The following PACS1 variants were observed in gnomAD, a reference collection of about 807,000 sequenced individuals.
The protein encoded by PACS1 is PACS-1.
A neutral mutation model predicts 115.0 loss-of-function variants in PACS1; 24 were observed. The observed-to-expected ratio is 0.21, with a 90% CI of 0.15 to 0.29. PACS1 has a LOEUF of 0.29. PACS1 is among the 10% of genes least tolerant of loss of function. PACS1 has a pLI of 1.00. For missense variants in PACS1, 838 were observed against 1,251.2 expected (o/e 0.67, Z 4.98); for synonymous variants, 453 against 504.5 (o/e 0.90, Z 1.37).
chr11:66,153,384 C>T (rs1041196745), intron 1 of PACS1, among the ~76,000 whole-genome samples: 1 of 152,152 alleles, frequency 6.6e-6, no homozygotes, highest in African/African-American at 2.4e-5. Flanking sequence ...GTGGCTCACA[C>T]CTGTAATCTC....
In PACS1 at chr11:66,243,356, G is replaced by C. The variant is rs1366695274; in HGVS notation, c.*76G>C. ...GCCTGCGGGCAGGGGGAGGCCAGCA[G>C]GCCCGGGCCCAGCACCCCTTCCCTG... On this transcript the variant is annotated 3_prime_UTR_variant, in exon 24 of 24. Coordinates refer to ENST00000320580, the MANE Select transcript of PACS1 (RefSeq NM_018026.4). 6 of 997,056 alleles carry C rather than the reference G, an allele frequency of 6.0e-6. No homozygotes were observed. Among genetic ancestry groups the C allele is most frequent in the Non-Finnish European group, 9.1e-6 (6 of 661,434 alleles). 61.8% of individuals were successfully genotyped at this position (997,056 alleles called of 1,614,324 possible). A position where few individuals can be genotyped will look rare whatever the true frequency, so the allele number is the denominator to read the frequency against.
intron 1 of PACS1, among the ~76,000 whole-genome samples, chr11:66,154,070 T>G (rs1048380809): frequency 6.6e-6 from 1 of 152,204 alleles, no homozygotes. Context: ...TAAGGATACT[T>G]TATAATGATA....
At chr11:66,208,822 A>G (rs546470478) in intron 2 of PACS1, among the ~76,000 whole-genome samples, 27 of 152,232 alleles carry the variant, frequency 1.8e-4, no homozygotes, top group Non-Finnish European at 2.8e-4. Context: ...TTGAATAGAA[A>G]TGTTTCTTTA....
intron 1 of PACS1, among the ~76,000 whole-genome samples, chr11:66,186,099 G>A (rs920019113): frequency 1.6e-4 from 25 of 151,852 alleles, no homozygotes; most frequent in African/African-American, 5.8e-4. Context: ...AGACCCCATC[G>A]CTGCAAAAAA....
chr11:66,193,663 A>C, intron 2 of PACS1, 90 bp downstream of exon 2: 1 of 826,572 alleles, frequency 1.2e-6, no homozygotes, highest in Non-Finnish European at 2.0e-6. Context: ...TACTGGGACC[A>C]CCTCTGTCTT....
chr11:66,131,354 A>G (rs1394270145), intron 1 of PACS1, among the ~76,000 whole-genome samples: 1 of 152,198 alleles, frequency 6.6e-6, no homozygotes, highest in Non-Finnish European at 1.5e-5. Flanking sequence ...ACTAATGAGC[A>G]TGGCTAGATT....
At position 66,120,926 on chromosome 11, in the gene PACS1, C is replaced by T. The variant is rs891560751; in HGVS notation, c.356+50084C>T. 38 of 436,676 alleles carry T rather than the reference C, an allele frequency of 8.7e-5. 2 individuals are homozygous for T. The highest frequency in any genetic ancestry group is 1.6e-4 in the African/African-American group (8 of 49,548). The allele number at this position is 436,676 out of a possible 1,614,324, so 27.1% of individuals were successfully genotyped here. ...AAGTCCCCCTTGCCCCAGCCCTGTG[C>T]TTCCACAGGGCCTGTGCACGCCTCT... On this transcript the variant is annotated intron_variant, in intron 1 of 23. Coordinates refer to ENST00000320580, the MANE Select transcript of PACS1 (RefSeq NM_018026.4).
intron 1 of PACS1, among the ~76,000 whole-genome samples, chr11:66,187,756 C>T (rs529325494): frequency 5.3e-5 from 8 of 152,292 alleles, no homozygotes; most frequent in African/African-American, 1.9e-4. Context: ...GTGAACGGTG[C>T]TCGGTAAACA....
chr11:66,072,097 A>T (rs945672515), intron 1 of PACS1, among the ~76,000 whole-genome samples: 1 of 152,046 alleles, frequency 6.6e-6, no homozygotes, highest in Non-Finnish European at 1.5e-5. Flanking sequence ...GCATCTCTAT[A>T]TATTTTATAG....
intron 1 of PACS1, among the ~76,000 whole-genome samples, chr11:66,113,976 C>G (rs1360945352): frequency 6.6e-6 from 1 of 152,120 alleles, no homozygotes; most frequent in East Asian, 1.9e-4. Flanking sequence ...CTCCACCTCC[C>G]CAGACAAAAA....
At chr11:66,110,006 T>C (rs1858149766) in intron 1 of PACS1, among the ~76,000 whole-genome samples, 1 of 152,206 alleles carries the variant, frequency 6.6e-6, no homozygotes, top group African/African-American at 2.4e-5. Flanking sequence ...TTACATAGTA[T>C]GCCAGTATTT....
rs999800415 is a variant in PACS1 at position 66,177,466 on chromosome 11, CAGGTGTG to C, written c.357-16017_357-16011del. ...TTGGCCTCCCATAGTGCTGGGATTACAGGTGTGAGCCACTGCACCCGGCCAAAATAGA... is the reference window on the plus strand; with the variant it reads ...TTGGCCTCCCATAGTGCTGGGATTACAGCCACTGCACCCGGCCAAAATAGA... On this transcript the variant is annotated intron_variant, in intron 1 of 23. Transcript: ENST00000320580. 3.3e-4 allele frequency among the ~76,000 whole-genome samples: 51 copies of C among 152,270 alleles called. No homozygotes were observed. In the East Asian group the frequency reaches 9.3e-3, roughly 28 times the overall value.
chr11:66,205,639 T>TA (rs1252316816), intron 2 of PACS1, among the ~76,000 whole-genome samples: 1 of 150,576 alleles, frequency 6.6e-6, no homozygotes. Flanking sequence ...TTTCCTCAAA[T>TA]ATCACTACAA....
At chr11:66,140,522 C>T (rs1427113710) in intron 1 of PACS1, among the ~76,000 whole-genome samples, 1 of 152,010 alleles carries the variant, frequency 6.6e-6, no homozygotes, top group East Asian at 1.9e-4. Context: ...AGAGGGATGC[C>T]CACTGGGTAG....
At chr11:66,201,027 T>G (rs1026753869) in intron 2 of PACS1, among the ~76,000 whole-genome samples, 3 of 152,050 alleles carry the variant, frequency 2.0e-5, no homozygotes, top group African/African-American at 7.2e-5. Flanking sequence ...CATAGCATCC[T>G]GGCCAAAATG....
chr11:66,210,665 G>A (rs868137648), intron 3 of PACS1, among the ~76,000 whole-genome samples: 6 of 152,182 alleles, frequency 3.9e-5, no homozygotes, highest in African/African-American at 1.2e-4. Flanking sequence ...GGTAGGCACC[G>A]TGGCCCCTTC....
At chr11:66,071,887 A>G (rs554512952) in intron 1 of PACS1, among the ~76,000 whole-genome samples, 1 of 152,192 alleles carries the variant, frequency 6.6e-6, no homozygotes, top group East Asian at 1.9e-4. Context: ...ATTGTTTTAT[A>G]TATATATCCC....
chr11:66,232,439 C>T (rs894960533), intron 14 of PACS1, among the ~76,000 whole-genome samples, 163 bp downstream of exon 14: 1 of 152,230 alleles, frequency 6.6e-6, no homozygotes, highest in Non-Finnish European at 1.5e-5. Flanking sequence ...GAGTTCTAGT[C>T]CAACTTCTGT....
At position 66,236,082 on chromosome 11, in the gene PACS1, T is replaced by A. The variant is rs1233929963; in HGVS notation, c.2250+142T>A. ...TTTGCCTCCAGGGACTACCTGGCAG[T>A]GTCTGGAGACGTGTTTGGTTGTTAT... On this transcript the variant is annotated intron_variant, in intron 19 of 23. Transcript: ENST00000320580. This position sits in a 1 kb window ranked among gnomAD's most constrained non-coding sequence, Gnocchi z 4.2. The A allele has an allele frequency of 1.3e-6, 1 of 799,700 alleles. No homozygotes were observed. The highest frequency in any genetic ancestry group is 1.7e-5 in the African/African-American group (1 of 59,390). 49.5% of individuals were successfully genotyped at this position (799,700 alleles called of 1,614,324 possible).
Sources: gnomAD v4.1 joint callset for allele counts (sites outside exome capture counted in the v4.1 genomes callset) on GRCh38, gnomAD v4.1.1 for gene constraint, Gnocchi (gnomAD v3.1) non-coding constraint, MANE v1.5 for transcripts, NCBI Gene and HGNC (gene_info 2026-07-23, HGNC 2026-07-21) for gene names.